FOXN3: variants seen among roughly 807,000 people sequenced by gnomAD.
FOXN3 encodes forkhead box N3.
In FOXN3, 7 loss-of-function variants were observed where a neutral mutation model predicts 38.4. The ratio of observed to expected loss-of-function variants is 0.18; its 90% confidence interval spans 0.10 to 0.34. The LOEUF is 0.34. FOXN3 is among the 10% of genes least tolerant of loss of function. FOXN3 has a pLI of 1.00. For synonymous variants in FOXN3, 230 were observed against 242.2 expected, an observed-to-expected ratio of 0.95 and a Z score of 0.47; for missense variants, 456 against 613.4, an observed-to-expected ratio of 0.74 and a Z score of 2.71.
At chr14:89,528,291 A>G (rs1012015197) in intron 1 of FOXN3, among the ~76,000 whole-genome samples, 1 of 151,356 alleles carries the variant, frequency 6.6e-6, no homozygotes, top group African/African-American at 2.4e-5. Flanking sequence ...AAATGGAAAA[A>G]CAAACTGTGA....
intron 3 of FOXN3, among the ~76,000 whole-genome samples, chr14:89,287,529 A>G (rs6575053): frequency 0.92 from 139,232 of 152,110 alleles, 63,769 homozygotes; most frequent in East Asian, 0.98. Context: ...CATTGTGGCC[A>G]TTGTCAGGTG....
At chr14:89,576,010 C>G (rs1895605677) in intron 1 of FOXN3, among the ~76,000 whole-genome samples, 1 of 152,194 alleles carries the variant, frequency 6.6e-6, no homozygotes, top group South Asian at 2.1e-4. Flanking sequence ...CTCACGGAAG[C>G]AAATTCCATC....
intron 1 of FOXN3, among the ~76,000 whole-genome samples, chr14:89,426,420 T>C (rs4899992): frequency 0.64 from 96,542 of 151,158 alleles, 31,254 homozygotes; most frequent in Non-Finnish European, 0.67. Flanking sequence ...AGAGACAGGG[T>C]TTCACCATGT....
At chr14:89,452,246 T>C (rs1356365394) in intron 1 of FOXN3, among the ~76,000 whole-genome samples, 1 of 152,120 alleles carries the variant, frequency 6.6e-6, no homozygotes, top group East Asian at 1.9e-4. Context: ...CCCTGAACCA[T>C]CTTCCTAATT....
intron 5 of FOXN3, among the ~76,000 whole-genome samples, chr14:89,167,850 C>T (rs1438102237): frequency 1.3e-5 from 2 of 152,184 alleles, no homozygotes; most frequent in Non-Finnish European, 2.9e-5. Flanking sequence ...CGTCTGCCCT[C>T]GCAGTAGAAC....
In FOXN3 at chr14:89,434,116, G is replaced by C. The variant is rs552626497; in HGVS notation, c.-14-21626C>G. Among the ~76,000 whole-genome samples the C allele has an allele frequency of 4.0e-5, 6 of 150,472 alleles. No individual in the cohort carries two copies. The South Asian group carries it at 1.3e-3, about 32-fold the overall frequency. ...TTTTAGGTATTTTTAGTAGAGACGA[G>C]GTTTCACCAGGAGTCAACCTGGTCT... On this transcript the variant is annotated intron_variant, in intron 1 of 6. Transcript: ENST00000345097.
chr14:89,311,064 C>T (rs911854208), intron 3 of FOXN3, among the ~76,000 whole-genome samples: 1 of 146,970 alleles, frequency 6.8e-6, no homozygotes, highest in Admixed American at 7.0e-5. Context: ...CAAGATCGCG[C>T]CATTGCATTC....
intron 2 of FOXN3, among the ~76,000 whole-genome samples, chr14:89,369,691 C>A (rs983783968): frequency 3.3e-5 from 5 of 151,624 alleles, no homozygotes; most frequent in Non-Finnish European, 4.4e-5. Context: ...GGGAAACTCC[C>A]CTTTACAAAC....
At chr14:89,511,203 T>TTTC (rs1309344887) in intron 1 of FOXN3, among the ~76,000 whole-genome samples, 14 of 15,004 alleles carry the variant, frequency 9.3e-4, no homozygotes, top group African/African-American at 1.2e-3. Flanking sequence ...TCTTTCTTTC[T>TTTC]TTTCTTTCTT....
chr14:89,404,817 C>T (rs1891345960), intron 2 of FOXN3, among the ~76,000 whole-genome samples: 1 of 152,046 alleles, frequency 6.6e-6, no homozygotes, highest in African/African-American at 2.4e-5. Context: ...GTCACTTCAC[C>T]CAGAGACCAC....
intron 1 of FOXN3, among the ~76,000 whole-genome samples, chr14:89,511,108 A>T (rs1894047011): frequency 6.7e-6 from 1 of 149,010 alleles, no homozygotes; most frequent in Non-Finnish European, 1.5e-5. Context: ...AGCATCTCAA[A>T]AGACCTGCTT....
At position 89,161,092 on chromosome 14, in the gene FOXN3, T is replaced by A. The variant is rs1408101051; in HGVS notation, c.*1322A>T. On this transcript the variant is annotated 3_prime_UTR_variant, in exon 6 of 6. Transcript: ENST00000557258. ...ATTATTTACCTTACAAGAACTTTGT[T>A]ACTTTTGAATAAAAAAAGTTTGTTT... 1 of 152,518 alleles carries A rather than the reference T, an allele frequency of 6.6e-6. No homozygotes were observed. The highest frequency in any genetic ancestry group is 2.4e-5 in the African/African-American group (1 of 41,448). 9.4% of individuals were successfully genotyped at this position (152,518 alleles called of 1,614,324 possible).
chr14:89,479,513 G>C (rs191986269), intron 1 of FOXN3, among the ~76,000 whole-genome samples: 1 of 152,090 alleles, frequency 6.6e-6, no homozygotes. Context: ...GTAGTCGGTG[G>C]TGGCGGTGTG....
At chr14:89,563,864 T>C (rs1895296502) in intron 1 of FOXN3, among the ~76,000 whole-genome samples, 1 of 152,112 alleles carries the variant, frequency 6.6e-6, no homozygotes. Flanking sequence ...TTTTGGTTTT[T>C]TTTGAGACAG....
intron 4 of FOXN3, among the ~76,000 whole-genome samples, chr14:89,262,163 T>TG (rs1885829468): frequency 6.6e-6 from 1 of 151,874 alleles, no homozygotes; most frequent in Non-Finnish European, 1.5e-5. Context: ...ATTTGATGGC[T>TG]GGAAAAGAGA....
intron 2 of FOXN3, among the ~76,000 whole-genome samples, chr14:89,381,145 C>CAAAAAA (rs71130067): frequency 1.2e-4 from 8 of 64,198 alleles, no homozygotes; most frequent in Non-Finnish European, 1.5e-4. Context: ...CCCTCCGTCT[C>CAAAAAA]AAAAAAAAAA....
intron 1 of FOXN3, among the ~76,000 whole-genome samples, chr14:89,561,372 C>A (rs980054320): frequency 1.3e-5 from 2 of 152,168 alleles, no homozygotes; most frequent in African/African-American, 4.8e-5. Context: ...ACCACCACAC[C>A]CAGCTAACTT....
At chr14:89,489,558 AG>A (rs1462916577) in intron 1 of FOXN3, among the ~76,000 whole-genome samples, 6 of 152,210 alleles carry the variant, frequency 3.9e-5, no homozygotes, top group Admixed American at 6.5e-5. Context: ...ACCACAATAG[AG>A]CATCTAGTTA....
At chr14:89,265,143 T>C (rs1199606467) in intron 4 of FOXN3, among the ~76,000 whole-genome samples, 4 of 152,208 alleles carry the variant, frequency 2.6e-5, no homozygotes, top group African/African-American at 9.6e-5. Context: ...GTAGCTCCTG[T>C]ATGGTGTACA....
Sources: allele counts gnomAD v4.1 joint callset (sites outside exome capture counted in the v4.1 genomes callset), GRCh38; gene constraint gnomAD v4.1.1; transcripts MANE v1.5; gene names NCBI Gene and HGNC (gene_info 2026-07-23, HGNC 2026-07-21).